The following CCDC77 variants were observed in gnomAD, a reference collection of about 807,000 sequenced individuals.
The protein encoded by CCDC77 is coiled-coil domain containing 77, also known as coiled-coil domain-containing protein 77.
A neutral mutation model predicts 66.8 loss-of-function variants in CCDC77; 56 were observed. The observed-to-expected ratio is 0.84, with a 90% CI of 0.68 to 1.05. CCDC77 has a LOEUF of 1.05. Ranked by LOEUF, CCDC77 falls within the 50% of genes least tolerant of loss-of-function variation. The probability of loss-of-function intolerance (pLI) is 0.00; values close to 1 mark genes in which losing one functional copy is unlikely to be tolerated. For missense variants in CCDC77, 570 were observed against 576.8 expected (o/e 0.99, Z 0.12); for synonymous variants, 196 against 195.2 (o/e 1.00, Z -0.03).
chr12:416,357 G>A (rs1469711688), intron 4 of CCDC77, among the ~76,000 whole-genome samples: 427 of 39,770 alleles, frequency 0.011, 14 homozygotes, highest in East Asian at 0.065. Context: ...GTGTGTGTGT[G>A]TGTGTGTGTG....
At chr12:402,273 G>C (rs1944910668) in intron 1 of CCDC77, among the ~76,000 whole-genome samples, 2 of 152,166 alleles carry the variant, frequency 1.3e-5, no homozygotes, top group Non-Finnish European at 2.9e-5. Flanking sequence ...CTGTCTGTAG[G>C]GAGCGCACGC....
chr12:398,918 G>A (rs577378196), upstream of CCDC77, among the ~76,000 whole-genome samples: 6 of 151,686 alleles, frequency 4.0e-5, no homozygotes, highest in East Asian at 1.2e-3. Flanking sequence ...CTCCTGGCTA[G>A]TTTTTGTATT....
chr12:434,417 A>G (rs1945710454), intron 9 of CCDC77, among the ~76,000 whole-genome samples: 1 of 147,452 alleles, frequency 6.8e-6, no homozygotes, highest in African/African-American at 2.5e-5. Flanking sequence ...CAGTGGCGTG[A>G]TCCCGGTTCC....
upstream of CCDC77, among the ~76,000 whole-genome samples, chr12:398,973 C>T (rs1944863151): frequency 6.6e-6 from 1 of 151,918 alleles, no homozygotes; most frequent in African/African-American, 2.4e-5. Flanking sequence ...GCTTGTCATG[C>T]ACTCCTGAGC....
chr12:441,650 A>C, intron 12 of CCDC77, 124 bp from the exon 13 acceptor site: 1 of 994,150 alleles, frequency 1.0e-6, no homozygotes, highest in Non-Finnish European at 1.5e-6. Flanking sequence ...AAAGGATGGA[A>C]TTTATCCTAT....
At chr12:410,896 C>T (rs2137547866) in intron 3 of CCDC77, among the ~76,000 whole-genome samples, 1 of 152,244 alleles carries the variant, frequency 6.6e-6, no homozygotes, top group Non-Finnish European at 1.5e-5. Context: ...ACATGGTCTC[C>T]CTTAGTTTAT....
intron 5 of CCDC77, among the ~76,000 whole-genome samples, chr12:423,477 G>GTTTTTTTTTTTTTTTTTTTT (rs1565572179): frequency 1.2e-4 from 3 of 24,958 alleles, no homozygotes; most frequent in African/African-American, 1.9e-4. Context: ...TGTGTTTTTT[G>GTTTTTTTTTTTTTTTTTTTT]TGTTTTTTTT....
chr12:429,038 G>A (rs1425492851), intron 6 of CCDC77, among the ~76,000 whole-genome samples, 173 bp downstream of exon 6: 1 of 152,198 alleles, frequency 6.6e-6, no homozygotes, highest in African/African-American at 2.4e-5. Flanking sequence ...TTGGGAAGTA[G>A]CATTATTTAC....
At chr12:412,396 A>C (rs564563224) in intron 4 of CCDC77, among the ~76,000 whole-genome samples, 15 of 152,208 alleles carry the variant, frequency 9.9e-5, no homozygotes, top group Admixed American at 5.2e-4. Context: ...CTTCTGCTCC[A>C]CCTGCATAGC....
intron 4 of CCDC77, among the ~76,000 whole-genome samples, chr12:414,298 G>C (rs1230585932): frequency 1.3e-5 from 2 of 151,488 alleles, no homozygotes; most frequent in Non-Finnish European, 2.9e-5. Context: ...CACCATGTTG[G>C]CCAAGCTCAT....
chr12:397,893 G>A (rs536053736), upstream of CCDC77, among the ~76,000 whole-genome samples: 7 of 152,196 alleles, frequency 4.6e-5, no homozygotes, highest in East Asian at 1.9e-4. Flanking sequence ...TGATCCGCCC[G>A]TCTCAGCCTC....
chr12:415,356 ATAT>A (rs1422823688), intron 4 of CCDC77, among the ~76,000 whole-genome samples: 1,541 of 76,414 alleles, frequency 0.02, 31 homozygotes, highest in Non-Finnish European at 0.033. Flanking sequence ...AATCAACATA[ATAT>A]TATGTTAATA....
intron 9 of CCDC77, among the ~76,000 whole-genome samples, chr12:435,319 G>A (rs928625737): frequency 4.8e-5 from 7 of 145,738 alleles, no homozygotes; most frequent in East Asian, 2.0e-4. Flanking sequence ...CATGTATTCC[G>A]TTTCCAAATG....
rs1945876815 is a variant in CCDC77, at chr12:442,600, A to G, written c.*680A>G. ...ACATGGCTTTTGAAAAATGATGTATATATTTTAAATTAACTATTTTCAATA... is the reference window on the plus strand; with the variant it reads ...ACATGGCTTTTGAAAAATGATGTATGTATTTTAAATTAACTATTTTCAATA... On this transcript the variant is annotated 3_prime_UTR_variant, in exon 13 of 13. Coordinates refer to ENST00000239830, the MANE Select transcript of CCDC77 (RefSeq NM_032358.4). 1 of 152,204 alleles carries G rather than the reference A, an allele frequency of 6.6e-6. No individual in the cohort carries two copies. Among genetic ancestry groups the G allele is most frequent in the African/African-American group, 2.4e-5 (1 of 41,454 alleles). 9.4% of individuals were successfully genotyped at this position (152,204 alleles called of 1,614,324 possible). A position where few individuals can be genotyped will look rare whatever the true frequency, so the allele number is the denominator to read the frequency against.
intron 3 of CCDC77, among the ~76,000 whole-genome samples, chr12:411,034 C>G (rs966275954): frequency 6.6e-6 from 1 of 150,742 alleles, no homozygotes. Flanking sequence ...CACCTCAGCC[C>G]CCTGAGTAGC....
rs1945268608 is a variant in CCDC77 at position 416,359 on chromosome 12, GTGTGTGTGTGTGTGTGTGTATATATATA to G, written c.271-2133_271-2106del. 6.9e-5 allele frequency among the ~76,000 whole-genome samples: 3 copies of G among 43,534 alleles called. 1 individual carries two copies. In the South Asian group the frequency reaches 3.2e-3, roughly 47 times the overall value. 28.6% of individuals were successfully genotyped at this position (43,534 alleles called of 152,430 possible). A position where few individuals can be genotyped will look rare whatever the true frequency, so the allele number is the denominator to read the frequency against. ...GGTGTGTGGGGGTGTGTGTGTGTGT[GTGTGTGTGTGTGTGTGTGTATATATATA>G]TATATATATATATATATATATATAT... On this transcript the variant is annotated intron_variant, in intron 4 of 12. Coordinates refer to ENST00000239830, the MANE Select transcript of CCDC77 (RefSeq NM_032358.4).
intron 6 of CCDC77, among the ~76,000 whole-genome samples, 156 bp downstream of exon 6, chr12:429,021 G>A (rs889954639): frequency 2.6e-5 from 4 of 152,124 alleles, no homozygotes; most frequent in African/African-American, 4.8e-5. Flanking sequence ...ATTTTTCTTC[G>A]AAAACCTTGG....
intron 4 of CCDC77, among the ~76,000 whole-genome samples, chr12:414,210 G>T (rs1326804537): frequency 2.6e-5 from 4 of 151,042 alleles, no homozygotes; most frequent in African/African-American, 9.8e-5. Flanking sequence ...TCCTACCTCA[G>T]CCTCCCAAAT....
chr12:389,571 C>CGATGCGGGGCGAGGCGGGGCGAGGCGG, intron 1 of CCDC77: 2 of 223,110 alleles, frequency 9.0e-6, no homozygotes, highest in South Asian at 6.9e-5. Flanking sequence ...GGGCGAGGCG[C>CGATGCGGGGCGAGGCGGGGCGAGGCGG]AACGAGGCGG....
Sources: gnomAD v4.1 joint callset for allele counts (sites outside exome capture counted in the v4.1 genomes callset) on GRCh38, gnomAD v4.1.1 for gene constraint, MANE v1.5 for transcripts, NCBI Gene and HGNC (gene_info 2026-07-23, HGNC 2026-07-21) for gene names.